The following THRB variants were observed in gnomAD, a reference collection of about 807,000 sequenced individuals.
THRB encodes the protein nuclear receptor subfamily 1 group A member 2.
A neutral mutation model predicts 47.8 loss-of-function variants in THRB; 12 were observed. The observed-to-expected ratio is 0.25, with a 90% CI of 0.16 to 0.41. The LOEUF (loss-of-function observed/expected upper bound fraction) is 0.41. Among genes scored for constraint, THRB ranks in the 10% least tolerant of loss-of-function variants. The pLI, the probability that THRB is intolerant of heterozygous loss-of-function variation, is 1.00. For missense variants in THRB, 348 were observed against 589.2 expected (o/e 0.59, Z 4.24); for synonymous variants, 218 against 212.2 (o/e 1.03, Z -0.24).
rs530700422 is a variant in THRB, at chr3:24,277,450, C to A, written c.-43+19776G>T. On this transcript the variant is annotated intron_variant, in intron 3 of 10. Transcript: ENST00000646209. ...TAGAAACCCACGTCTCTGAGTCCCA[C>A]CCCCAGAATTTTTGATTCAGTGAGT... Among the ~76,000 whole-genome samples, 10 of 152,266 alleles carry A rather than the reference C, an allele frequency of 6.6e-5. 1 individual carries two copies. Among genetic ancestry groups the A allele is most frequent in the African/African-American group, 2.4e-4 (10 of 41,540 alleles).
rs115127743 is a variant in THRB, at chr3:24,213,079, G to T, written c.22+15859C>A. Among the ~76,000 whole-genome samples the T allele has an allele frequency of 4.9e-3, 746 of 152,294 alleles. 3 individuals carry two copies. Among genetic ancestry groups the T allele is most frequent in the African/African-American group, 0.017 (719 of 41,558 alleles). On this transcript the variant is annotated intron_variant, in intron 4 of 10. Coordinates refer to ENST00000646209, the MANE Select transcript of THRB (RefSeq NM_001354712.2). ...AACAGCAGCAAAAAACTGTAAGGGT[G>T]CCAAGTAGACCAGACCCTTAAATGG...
chr3:24,456,887 A>G (rs1185362445), intron 1 of THRB, among the ~76,000 whole-genome samples: 1 of 152,010 alleles, frequency 6.6e-6, no homozygotes, highest in Non-Finnish European at 1.5e-5. Flanking sequence ...CTGTGATTCT[A>G]TCTAATTTCT....
intron 4 of THRB, among the ~76,000 whole-genome samples, chr3:24,190,739 C>T (rs1382818318): frequency 6.6e-6 from 1 of 151,704 alleles, no homozygotes; most frequent in African/African-American, 2.4e-5. Flanking sequence ...CATAAAACAC[C>T]CAGGATTCAG....
chr3:24,303,086 A>T (rs749346661), intron 2 of THRB, among the ~76,000 whole-genome samples: 6 of 152,232 alleles, frequency 3.9e-5, no homozygotes, highest in Admixed American at 6.5e-5. Flanking sequence ...TATGCCAGTT[A>T]CATCTTGGCC....
At chr3:24,248,523 A>G (rs921898878) in intron 3 of THRB, among the ~76,000 whole-genome samples, 5 of 151,992 alleles carry the variant, frequency 3.3e-5, no homozygotes, top group Admixed American at 1.3e-4. Context: ...CTCCAGATCC[A>G]CCCTTCTTTG....
rs1209686721 is a variant in THRB, at chr3:24,364,784, C to T, written c.-260-27413G>A. Among the ~76,000 whole-genome samples the T allele has an allele frequency of 2.0e-5, 3 of 152,076 alleles. No homozygotes were observed. The South Asian group carries it at 6.2e-4, about 32-fold the overall frequency. On this transcript the variant is annotated intron_variant, in intron 1 of 10. Transcript: ENST00000646209. ...AGCAGCCTCTACAGGTAACGTTTTT[C>T]GGACAAACAACTGAGAACAATAGGT...
At chr3:24,235,985 A>AGCC (rs2150177619) in intron 3 of THRB, among the ~76,000 whole-genome samples, 1 of 152,206 alleles carries the variant, frequency 6.6e-6, no homozygotes, top group South Asian at 2.1e-4. Flanking sequence ...TCCCCACTTG[A>AGCC]GCCTTCCCAC....
intron 7 of THRB, chr3:24,144,872 G>C (rs893230367): frequency 6.6e-6 from 1 of 151,770 alleles, no homozygotes; most frequent in African/African-American, 2.4e-5. Flanking sequence ...ACTGTCCTAG[G>C]GCCATTTCTT....
chr3:24,476,955 C>T (rs1291602396), intron 1 of THRB, among the ~76,000 whole-genome samples: 1 of 151,306 alleles, frequency 6.6e-6, no homozygotes, highest in Non-Finnish European at 1.5e-5. Context: ...CATTTGAACA[C>T]TGGCCAATAT....
intron 3 of THRB, among the ~76,000 whole-genome samples, chr3:24,246,643 T>C (rs2050136781): frequency 1.3e-5 from 2 of 152,202 alleles, no homozygotes; most frequent in African/African-American, 4.8e-5. Flanking sequence ...GATGTCTCTG[T>C]TGGGACTTCA....
At chr3:24,337,791 A>G (rs939398722) in intron 1 of THRB, among the ~76,000 whole-genome samples, 1 of 152,222 alleles carries the variant, frequency 6.6e-6, no homozygotes, top group Non-Finnish European at 1.5e-5. Context: ...AGGTCTCAAC[A>G]TATAAGAGCT....
At chr3:24,266,899 G>A (rs79510550) in intron 3 of THRB, among the ~76,000 whole-genome samples, 2,148 of 152,024 alleles carry the variant, frequency 0.014, 49 homozygotes, top group East Asian at 0.11. Flanking sequence ...AGAAAAGGAG[G>A]ACAGGACGAG....
At chr3:24,401,083 A>G (rs541030707) in intron 1 of THRB, among the ~76,000 whole-genome samples, 2 of 152,116 alleles carry the variant, frequency 1.3e-5, no homozygotes, top group Admixed American at 1.3e-4. Flanking sequence ...ATAATTTAAC[A>G]CAAAGAGGAA....
intron 1 of THRB, among the ~76,000 whole-genome samples, chr3:24,469,647 C>CAA (rs536050667): frequency 2.9e-4 from 44 of 152,284 alleles, no homozygotes; most frequent in Non-Finnish European, 5.1e-4. Context: ...ATGCAAAAAT[C>CAA]AAGCTACACT....
At chr3:24,429,890 G>A (rs2070188792) in intron 1 of THRB, among the ~76,000 whole-genome samples, 1 of 152,058 alleles carries the variant, frequency 6.6e-6, no homozygotes, top group Non-Finnish European at 1.5e-5. Context: ...ACAGGATGCA[G>A]GGTTTGGGGA....
intron 2 of THRB, among the ~76,000 whole-genome samples, chr3:24,306,657 T>C (rs1227808850): frequency 1.3e-5 from 2 of 152,202 alleles, no homozygotes; most frequent in Non-Finnish European, 2.9e-5. Flanking sequence ...TAGCATACTT[T>C]GGCTACTGGG....
intron 2 of THRB, among the ~76,000 whole-genome samples, chr3:24,331,377 T>C (rs976154920): frequency 6.6e-6 from 1 of 152,078 alleles, no homozygotes; most frequent in Non-Finnish European, 1.5e-5. Flanking sequence ...CGTCCTGACT[T>C]TCCTACTTTC....
intron 3 of THRB, among the ~76,000 whole-genome samples, chr3:24,233,787 GA>G (rs1238323267): frequency 1.3e-5 from 2 of 152,178 alleles, no homozygotes; most frequent in African/African-American, 2.4e-5. Flanking sequence ...TCAAATATCT[GA>G]AAAGCTGTCA....
At chr3:24,281,946 T>G (rs1205808195) in intron 3 of THRB, among the ~76,000 whole-genome samples, 3 of 147,828 alleles carry the variant, frequency 2.0e-5, no homozygotes, top group African/African-American at 7.6e-5. Flanking sequence ...AAGTCCTGAG[T>G]GACCTACAAA....
Sources: gnomAD v4.1 joint callset for allele counts (sites outside exome capture counted in the v4.1 genomes callset) on GRCh38, gnomAD v4.1.1 for gene constraint, MANE v1.5 for transcripts, NCBI Gene and HGNC (gene_info 2026-07-23, HGNC 2026-07-21) for gene names.